Variants in CPN1 observed in about 807,000 individuals in gnomAD.
CPN1 encodes the protein carboxypeptidase N catalytic chain.
Under a neutral mutation model 46.4 loss-of-function variants are expected in CPN1, and 37 were observed. That is an observed-to-expected ratio of 0.80 (90% CI 0.61 to 1.05). The LOEUF (loss-of-function observed/expected upper bound fraction) is 1.05, where lower values mean the gene tolerates loss of function less well. Ranked by LOEUF, CPN1 falls within the 50% of genes least tolerant of loss-of-function variation. The pLI, the probability that CPN1 is intolerant of heterozygous loss-of-function variation, is 0.00. For missense variants in CPN1, 563 were observed against 602.6 expected (o/e 0.93, Z 0.69); for synonymous variants, 224 against 235.4 (o/e 0.95, Z 0.44).
chr10:100,079,632 T>C (rs1423708327), intron 1 of CPN1, among the ~76,000 whole-genome samples: 1 of 152,218 alleles, frequency 6.6e-6, no homozygotes, highest in Non-Finnish European at 1.5e-5. Context: ...GGTAACCCCA[T>C]GGCCTTCTAT....
chr10:100,047,397 C>T (rs2041321057), intron 8 of CPN1, among the ~76,000 whole-genome samples: 1 of 152,182 alleles, frequency 6.6e-6, no homozygotes, highest in South Asian at 2.1e-4. Context: ...CCTTGTTTGA[C>T]TATAGGTCAT....
intron 8 of CPN1, among the ~76,000 whole-genome samples, chr10:100,047,901 A>G (rs981904295): frequency 1.3e-5 from 2 of 152,106 alleles, no homozygotes; most frequent in Non-Finnish European, 2.9e-5. Flanking sequence ...CTGAGGCAGG[A>G]GAATCACTTA....
At chr10:100,076,863 C>T (rs1165313389) in intron 1 of CPN1, among the ~76,000 whole-genome samples, 1 of 152,158 alleles carries the variant, frequency 6.6e-6, no homozygotes, top group Non-Finnish European at 1.5e-5. Flanking sequence ...CAAATCTAAG[C>T]AGGCCAAATC....
chr10:100,062,837 G>A (rs1396864351), intron 5 of CPN1, among the ~76,000 whole-genome samples: 1 of 151,278 alleles, frequency 6.6e-6, no homozygotes, highest in Non-Finnish European at 1.5e-5. Context: ...CTGGCCTCAA[G>A]AGATTCTCCC....
intron 5 of CPN1, among the ~76,000 whole-genome samples, chr10:100,063,173 T>C (rs4459228): frequency 6.6e-6 from 1 of 151,938 alleles, no homozygotes; most frequent in African/African-American, 2.4e-5. Flanking sequence ...CAGGCTGGAG[T>C]GCAGTGATGC....
intron 3 of CPN1, among the ~76,000 whole-genome samples, chr10:100,066,546 A>G (rs2041455707): frequency 6.6e-6 from 1 of 152,226 alleles, no homozygotes; most frequent in African/African-American, 2.4e-5. Context: ...AGTCTTGGCT[A>G]AGCAGTGAAA....
chr10:100,081,317 G>A, intron 1 of CPN1, 86 bp downstream of exon 1: 1 of 1,237,696 alleles, frequency 8.1e-7, no homozygotes, highest in Non-Finnish European at 1.2e-6. Context: ...AGGCGTCCAC[G>A]GACCACCCCA....
At chr10:100,057,192 T>C in intron 5 of CPN1, 40 bp from the exon 6 acceptor site, 2 of 1,606,310 alleles carry the variant, frequency 1.2e-6, no homozygotes, top group Non-Finnish European at 1.7e-6. Context: ...CATAACCAGG[T>C]TCCCACCCAA....
At chr10:100,065,967 GT>G (rs1255452798) in intron 3 of CPN1, among the ~76,000 whole-genome samples, 3 of 146,202 alleles carry the variant, frequency 2.1e-5, no homozygotes, top group Admixed American at 6.8e-5. Flanking sequence ...TTTTTGTTTT[GT>G]TTTTTGAGAC....
At chr10:100,065,464 G>A (rs1027130000) in intron 3 of CPN1, 94 bp from the exon 4 acceptor site, 1 of 1,345,566 alleles carries the variant, frequency 7.4e-7, no homozygotes, top group Non-Finnish European at 1.0e-6. Context: ...GGCCTGAGGA[G>A]ATAAAATGTC....
At chr10:100,079,360 T>TA (rs1007366521) in intron 1 of CPN1, among the ~76,000 whole-genome samples, 2 of 152,188 alleles carry the variant, frequency 1.3e-5, no homozygotes, top group African/African-American at 4.8e-5. Context: ...ATGAATGAAT[T>TA]AAAGGAATGA....
At chr10:100,047,738 C>A (rs1007738714) in intron 8 of CPN1, among the ~76,000 whole-genome samples, 4 of 152,116 alleles carry the variant, frequency 2.6e-5, no homozygotes, top group African/African-American at 9.7e-5. Flanking sequence ...GTAATCCCAG[C>A]ACTTTGGGAG....
chr10:100,061,369 T>TA (rs1215760813), intron 5 of CPN1, among the ~76,000 whole-genome samples: 3 of 152,160 alleles, frequency 2.0e-5, no homozygotes, highest in Non-Finnish European at 2.9e-5. Flanking sequence ...CCATAAAAAT[T>TA]AAAAAATGCT....
intron 3 of CPN1, among the ~76,000 whole-genome samples, chr10:100,068,274 C>T (rs2041466061): frequency 7.2e-6 from 1 of 138,490 alleles, no homozygotes; most frequent in South Asian, 2.3e-4. Context: ...AGTGCAGTGG[C>T]ACTATCTCAG....
intron 5 of CPN1, among the ~76,000 whole-genome samples, chr10:100,058,338 G>T (rs770489299): frequency 1.1e-4 from 17 of 152,232 alleles, no homozygotes; most frequent in Non-Finnish European, 1.8e-4. Flanking sequence ...GGTTAGGAAT[G>T]AGATTAATAT....
chr10:100,073,692 C>T (rs79063713), intron 2 of CPN1, among the ~76,000 whole-genome samples: 5,928 of 150,860 alleles, frequency 0.039, 190 homozygotes, highest in African/African-American at 0.083. Flanking sequence ...CTCAGCTCAC[C>T]GCAACCTTCA....
chr10:100,052,386 T>C (rs896978885), intron 7 of CPN1, among the ~76,000 whole-genome samples: 3 of 152,122 alleles, frequency 2.0e-5, no homozygotes, highest in African/African-American at 7.2e-5. Flanking sequence ...CAGCTAATTT[T>C]TGTAGTTTTA....
At chr10:100,055,827 A>G (rs966936284) in intron 6 of CPN1, among the ~76,000 whole-genome samples, 2 of 152,158 alleles carry the variant, frequency 1.3e-5, no homozygotes, top group African/African-American at 4.8e-5. Flanking sequence ...CCTAGAGACA[A>G]TTTCTTTCCT....
At chr10:100,064,296 C>A (rs969320125) in intron 4 of CPN1, among the ~76,000 whole-genome samples, 1 of 151,428 alleles carries the variant, frequency 6.6e-6, no homozygotes, top group Admixed American at 6.6e-5. Flanking sequence ...ATGTGCTATT[C>A]ACCATGTAGT....
Sources: allele counts gnomAD v4.1 joint callset (sites outside exome capture counted in the v4.1 genomes callset), GRCh38; gene constraint gnomAD v4.1.1; transcripts MANE v1.5; gene names NCBI Gene and HGNC (gene_info 2026-07-23, HGNC 2026-07-21).